CNOT2: variants seen among roughly 807,000 people sequenced by gnomAD.
CNOT2 encodes CC chemokine receptor 4-negative regulator of transcription 2.
A neutral mutation model predicts 72.1 loss-of-function variants in CNOT2; 7 were observed. The observed-to-expected ratio is 0.10, with a 90% CI of 0.06 to 0.18. The LOEUF is 0.18. CNOT2 is among the 10% of genes least tolerant of loss of function. The pLI is 1.00. For synonymous variants in CNOT2, 196 were observed against 225.6 expected (o/e 0.87, Z 1.17); for missense variants, 345 against 660.3 (o/e 0.52, Z 5.23).
chr12:70,310,795 T>C, intron 2 of CNOT2, 100 bp from the exon 3 acceptor site: 1 of 940,136 alleles, frequency 1.1e-6, no homozygotes, highest in Non-Finnish European at 1.6e-6. Context: ...TTCTGTATCT[T>C]AGCAATGCTC....
chr12:70,344,128 C>T lies in CNOT2; in HGVS notation c.1291C>T (p.Leu431=). 1 of 1,591,172 alleles carries T rather than the reference C, an allele frequency of 6.3e-7. No homozygotes were observed. Among genetic ancestry groups the T allele is most frequent in the Non-Finnish European group, 8.6e-7 (1 of 1,168,266 alleles). ...AGAATAAGTTATTTTTCTTTTTCAG[C>T]TGGCTGCAATAAAACTTGGCCGATA... ...YLTNIHIRDK[L]AAIKLGRYGE... The change falls in exon 14 of 16, where the codon CTG becomes TTG. Residue 431 remains leucine, a splice_region_variant and synonymous_variant. Transcript: ENST00000229195.
At chr12:70,280,318 T>C (rs1869605361) in intron 2 of CNOT2, among the ~76,000 whole-genome samples, 1 of 152,080 alleles carries the variant, frequency 6.6e-6, no homozygotes, top group Non-Finnish European at 1.5e-5. Flanking sequence ...AAAAGGGACA[T>C]AGAGGGATAA....
intron 3 of CNOT2, among the ~76,000 whole-genome samples, chr12:70,315,183 AC>A (rs1877123291): frequency 6.6e-6 from 1 of 151,628 alleles, no homozygotes; most frequent in African/African-American, 2.4e-5. Flanking sequence ...TTAATGTATT[AC>A]CTTCTCATAG....
intron 14 of CNOT2, chr12:70,344,956 C>T (rs375830346): frequency 6.6e-6 from 1 of 152,108 alleles, no homozygotes; most frequent in East Asian, 1.9e-4. Context: ...TTTTGAAGTG[C>T]TGATTAAAGT....
intron 2 of CNOT2, among the ~76,000 whole-genome samples, chr12:70,293,783 A>T (rs1872350777): frequency 6.6e-6 from 1 of 152,096 alleles, no homozygotes; most frequent in South Asian, 2.1e-4. Flanking sequence ...TACTCAAGAG[A>T]GCAAGAGAGT....
intron 2 of CNOT2, among the ~76,000 whole-genome samples, 154 bp from the exon 3 acceptor site, chr12:70,310,741 T>C (rs1876307500): frequency 6.6e-6 from 1 of 152,086 alleles, no homozygotes; most frequent in Non-Finnish European, 1.5e-5. Context: ...TATAATCAGA[T>C]TTATGACTTT....
intron 2 of CNOT2, among the ~76,000 whole-genome samples, chr12:70,279,125 C>T (rs1043153974): frequency 1.3e-5 from 2 of 152,296 alleles, no homozygotes; most frequent in Middle Eastern, 3.4e-3. Flanking sequence ...TCCTTTCACT[C>T]ATCAGTTCAT....
At chr12:70,255,308 G>T (rs1270542413) in intron 1 of CNOT2, among the ~76,000 whole-genome samples, 1 of 151,820 alleles carries the variant, frequency 6.6e-6, no homozygotes, top group Non-Finnish European at 1.5e-5. Context: ...CATCGTGTCT[G>T]TTTTTTTGAA....
rs1040479495 is a variant in CNOT2 at position 70,354,007 on chromosome 12, T to C, written c.*92T>C. Reference sequence around the variant, plus strand: ...AACATAACTGCAGAACTGATGTGGCTCAGGCACCCTGGTTTTAATTCCTTG... The same window carrying C: ...AACATAACTGCAGAACTGATGTGGCCCAGGCACCCTGGTTTTAATTCCTTG... On this transcript the variant is annotated 3_prime_UTR_variant, in exon 16 of 16. Coordinates refer to ENST00000229195, the MANE Select transcript of CNOT2 (RefSeq NM_014515.7). 9 of 1,487,284 alleles carry C rather than the reference T, an allele frequency of 6.1e-6. No individual in the cohort carries two copies. The highest frequency in any genetic ancestry group is 2.9e-5 in the African/African-American group (2 of 69,852). The allele number at this position is 1,487,284 out of a possible 1,614,324, so 92.1% of individuals were successfully genotyped here. A position where few individuals can be genotyped will look rare whatever the true frequency, so the allele number is the denominator to read the frequency against.
chr12:70,332,727 G>A (rs751444072), intron 6 of CNOT2, 40 bp from the exon 7 acceptor site: 2 of 1,556,410 alleles, frequency 1.3e-6, no homozygotes, highest in Non-Finnish European at 1.7e-6. Context: ...GAAAGTTAGT[G>A]TTCTTACTGT....
At chr12:70,339,076 G>A (rs143364545) in intron 11 of CNOT2, among the ~76,000 whole-genome samples, 8,584 of 128,540 alleles carry the variant, frequency 0.067, 416 homozygotes, top group East Asian at 0.24. Context: ...ATGTGTGTGT[G>A]TATATATATA....
chr12:70,259,959 T>A (rs1221961806), intron 1 of CNOT2, among the ~76,000 whole-genome samples: 4 of 152,230 alleles, frequency 2.6e-5, no homozygotes, highest in Non-Finnish European at 5.9e-5. Flanking sequence ...TACCCTTCTC[T>A]AAAATGAGCT....
At chr12:70,335,803 T>C (rs1490350526) in intron 8 of CNOT2, 7 of 317,978 alleles carry the variant, frequency 2.2e-5, no homozygotes, top group Non-Finnish European at 3.5e-5. Flanking sequence ...GAAGTCCTCA[T>C]TGGTATTCAG....
chr12:70,265,350 C>G (rs374937087), intron 1 of CNOT2, among the ~76,000 whole-genome samples: 2 of 119,522 alleles, frequency 1.7e-5, no homozygotes, highest in Non-Finnish European at 3.8e-5. Flanking sequence ...CTTTCTTTCT[C>G]TCTTTCACTG....
rs1264175898 is a variant in CNOT2, at chr12:70,255,047, G to A, written c.-96+11567G>A. On this transcript the variant is annotated intron_variant, in intron 1 of 15. Transcript: ENST00000229195. ...TGGCTTATTGGACTTTGGGAGGGGA[G>A]TTTGGAGAGATTGTGGGAGTGGTAA... 5.9e-5 allele frequency among the ~76,000 whole-genome samples: 9 copies of A among 151,816 alleles called. 1 individual carries two copies. In the South Asian group the frequency reaches 1.9e-3, roughly 32 times the overall value.
intron 15 of CNOT2, among the ~76,000 whole-genome samples, chr12:70,353,096 G>A (rs112465415): frequency 0.029 from 4,372 of 148,764 alleles, 203 homozygotes; most frequent in African/African-American, 0.1. Flanking sequence ...TTTTTTAGAC[G>A]GAGTCTTGCT....
At chr12:70,296,766 C>G (rs1027344759) in intron 2 of CNOT2, among the ~76,000 whole-genome samples, 2 of 148,578 alleles carry the variant, frequency 1.3e-5, no homozygotes, top group African/African-American at 2.5e-5. Flanking sequence ...AGCCCCCCCC[C>G]CTTTTTAAAT....
At chr12:70,260,518 A>AT in intron 1 of CNOT2, among the ~76,000 whole-genome samples, 1 of 152,098 alleles carries the variant, frequency 6.6e-6, no homozygotes, top group African/African-American at 2.4e-5. Flanking sequence ...TTACTTAATT[A>AT]TTATAAAACA....
intron 3 of CNOT2, among the ~76,000 whole-genome samples, chr12:70,318,862 A>G (rs917804815): frequency 1.3e-5 from 2 of 151,804 alleles, no homozygotes; most frequent in Admixed American, 1.3e-4. Flanking sequence ...GATATATATA[A>G]TGAATGTATG....
Sources: allele counts gnomAD v4.1 joint callset (sites outside exome capture counted in the v4.1 genomes callset), GRCh38; gene constraint gnomAD v4.1.1; transcripts MANE v1.5; gene names NCBI Gene and HGNC (gene_info 2026-07-23, HGNC 2026-07-21).